The following CLIC5 variants were observed in gnomAD, a reference collection of about 807,000 sequenced individuals.
The protein encoded by CLIC5 is chloride intracellular channel protein 5.
Under a neutral mutation model 24.7 loss-of-function variants are expected in CLIC5, and 20 were observed. The observed-to-expected ratio is 0.81, with a 90% CI of 0.57 to 1.18. The LOEUF (loss-of-function observed/expected upper bound fraction) is 1.18, where lower values mean the gene tolerates loss of function less well. Ranked by LOEUF, CLIC5 falls within the 50% of genes most tolerant of loss-of-function variation. The probability of loss-of-function intolerance (pLI) is 0.00; values close to 1 mark genes in which losing one functional copy is unlikely to be tolerated. For synonymous variants in CLIC5, 159 were observed against 135.6 expected (o/e 1.17, Z -1.20); for missense variants, 341 against 326.1 (o/e 1.05, Z -0.35).
At chr6:45,912,671 T>C (rs1011235795) in intron 5 of CLIC5, 7 of 1,534,438 alleles carry the variant, frequency 4.6e-6, no homozygotes, top group Admixed American at 2.0e-5. Flanking sequence ...TCCTGATCTT[T>C]GCATTGTATC....
the CLIC5 span, among the ~76,000 whole-genome samples, chr6:46,124,421 CA>C: frequency 2.6e-5 from 4 of 152,222 alleles, no homozygotes; most frequent in Non-Finnish European, 5.9e-5. Flanking sequence ...ACACCCTACA[CA>C]AAAATTAATT....
intron 3 of CLIC5, among the ~76,000 whole-genome samples, chr6:45,946,664 G>A (rs1764299133): frequency 6.6e-6 from 1 of 152,202 alleles, no homozygotes; most frequent in South Asian, 2.1e-4. Context: ...AGTCGCTGGG[G>A]AAGCTGGTGA....
chr6:45,963,368 A>C (rs1184622740), intron 1 of CLIC5, among the ~76,000 whole-genome samples: 2 of 152,176 alleles, frequency 1.3e-5, no homozygotes, highest in Non-Finnish European at 2.9e-5. Flanking sequence ...ACTTGGTTTA[A>C]TGCTCTGCTG....
rs959246379 is a variant in CLIC5 at position 46,073,606 on chromosome 6, G to A, written c.540+6097C>T. Among the ~76,000 whole-genome samples the A allele has an allele frequency of 5.3e-5, 8 of 152,182 alleles. No individual in the cohort carries two copies. The East Asian group carries it at 1.5e-3, about 29-fold the overall frequency. Reference sequence around the variant, plus strand: ...TGCTTGCTGTCCTAAACATTGTTTTGCTCATGGTATCCTCCTCAGAACATT... The same window carrying A: ...TGCTTGCTGTCCTAAACATTGTTTTACTCATGGTATCCTCCTCAGAACATT... On this transcript the variant is annotated intron_variant, in intron 1 of 5. Transcript: ENST00000185206.
intron 5 of CLIC5, chr6:45,912,391 G>A: frequency 2.7e-6 from 3 of 1,093,196 alleles, no homozygotes; most frequent in Non-Finnish European, 3.4e-6. Context: ...AAGGCAGGTG[G>A]GAATTGAGGA....
chr6:45,892,672 G>T (rs1762363644), intron 6 of CLIC5, among the ~76,000 whole-genome samples: 1 of 152,196 alleles, frequency 6.6e-6, no homozygotes, highest in Admixed American at 6.5e-5. Flanking sequence ...GTTGCCTTCA[G>T]TGCATTAGGC....
chr6:45,907,101 A>C (rs1189045642), intron 5 of CLIC5, among the ~76,000 whole-genome samples: 2 of 152,178 alleles, frequency 1.3e-5, no homozygotes, highest in Non-Finnish European at 2.9e-5. Context: ...GTCTTGTTGC[A>C]GTTTTCAAGG....
intron 1 of CLIC5, among the ~76,000 whole-genome samples, chr6:45,966,315 C>A (rs1037455880): frequency 6.6e-6 from 1 of 151,064 alleles, no homozygotes; most frequent in Admixed American, 6.6e-5. Context: ...TTCCACACAA[C>A]TAAGCATTTT....
intron 1 of CLIC5, among the ~76,000 whole-genome samples, chr6:46,025,588 T>G (rs957086142): frequency 1.1e-4 from 17 of 151,990 alleles, no homozygotes; most frequent in Admixed American, 4.6e-4. Context: ...ACCAAAGAAA[T>G]AAAAATAGTA....
chr6:46,006,302 GT>G (rs1464865415), intron 1 of CLIC5, among the ~76,000 whole-genome samples: 2 of 151,326 alleles, frequency 1.3e-5, no homozygotes, highest in African/African-American at 4.9e-5. Flanking sequence ...GCGCCACCAT[GT>G]CCAGCTAATT....
Position 45,949,104 on chromosome 6 carries a change from G to A in CLIC5, c.299+152C>T, listed in dbSNP as rs547463686. 19 of 987,772 alleles carry A rather than the reference G, an allele frequency of 1.9e-5. No individual in the cohort carries two copies. In the South Asian group the frequency reaches 3.1e-4, roughly 16 times the overall value. The allele number at this position is 987,772 out of a possible 1,614,324, so 61.2% of individuals were successfully genotyped here. On this transcript the variant is annotated intron_variant, in intron 3 of 5. Coordinates refer to ENST00000339561, the MANE Select transcript of CLIC5 (RefSeq NM_016929.5). ...GTTTTGAGATTGGCAGCCCTTTGGG[G>A]GTCCTAGGCTCTCTCTTTGAAGAAA...
At chr6:45,969,685 T>A (rs193238494) in intron 1 of CLIC5, among the ~76,000 whole-genome samples, 1 of 152,184 alleles carries the variant, frequency 6.6e-6, no homozygotes, top group Non-Finnish European at 1.5e-5. Context: ...ATGTTCCTGC[T>A]AACCCTTGCT....
chr6:46,027,772 C>T (rs1020276441), intron 1 of CLIC5, among the ~76,000 whole-genome samples: 2 of 152,196 alleles, frequency 1.3e-5, no homozygotes, highest in Non-Finnish European at 2.9e-5. Context: ...AAATTCCTCA[C>T]ACTTGGTTTT....
At chr6:45,933,104 T>C (rs924152822) in intron 4 of CLIC5, among the ~76,000 whole-genome samples, 1 of 152,140 alleles carries the variant, frequency 6.6e-6, no homozygotes, top group Non-Finnish European at 1.5e-5. Context: ...GCTTCCAGGT[T>C]CCAGAAAGAG....
At chr6:45,963,887 C>G (rs1015196461) in intron 1 of CLIC5, among the ~76,000 whole-genome samples, 1 of 151,992 alleles carries the variant, frequency 6.6e-6, no homozygotes, top group African/African-American at 2.4e-5. Context: ...TTTTTCAAAA[C>G]TAAATGATCT....
intron 1 of CLIC5, among the ~76,000 whole-genome samples, chr6:45,983,327 G>A (rs1561982899): frequency 6.6e-6 from 1 of 152,166 alleles, no homozygotes. Flanking sequence ...GTCATGCACA[G>A]AGCCACCAAA....
intron 4 of CLIC5, among the ~76,000 whole-genome samples, chr6:45,916,158 C>G (rs137990917): frequency 6.6e-6 from 1 of 152,340 alleles, no homozygotes; most frequent in Non-Finnish European, 1.5e-5. Context: ...TGAACACTTA[C>G]TGGAATGTTT....
rs565466576 is a variant in CLIC5 at position 46,066,065 on chromosome 6, G to A, written c.540+13638C>T. 1.4e-3 allele frequency among the ~76,000 whole-genome samples: 213 copies of A among 152,258 alleles called. 1 individual carries two copies. Among genetic ancestry groups the A allele is most frequent in the African/African-American group, 4.8e-3 (199 of 41,542 alleles). On this transcript the variant is annotated intron_variant, in intron 1 of 5. Coordinates refer to the CLIC5 transcript ENST00000185206. The stretch of plus-strand genomic sequence containing the variant: ...TGGAATGCACATAAAATGTCTCAAG[G>A]GGCATATTAATGAAATGTGTAGAAG...
chr6:45,913,685 G>A, intron 5 of CLIC5: 1 of 778,548 alleles, frequency 1.3e-6, no homozygotes, highest in African/African-American at 1.8e-5. Flanking sequence ...TGCTGCAAAT[G>A]GTTAGTAAGT....
Sources: gnomAD v4.1 joint callset for allele counts (sites outside exome capture counted in the v4.1 genomes callset) on GRCh38, gnomAD v4.1.1 for gene constraint, MANE v1.5 for transcripts, NCBI Gene and HGNC (gene_info 2026-07-23, HGNC 2026-07-21) for gene names.